Variants in ST6GALNAC3 observed in about 807,000 individuals in gnomAD.
ST6GALNAC3 encodes the protein alpha-N-acetylgalactosaminide alpha-2,6-sialyltransferase 3.
Under a neutral mutation model 32.7 loss-of-function variants are expected in ST6GALNAC3, and 25 were observed. That is an observed-to-expected ratio of 0.76 (90% CI 0.56 to 1.07). The LOEUF is 1.07. ST6GALNAC3 is among the 50% of genes least tolerant of loss of function. The pLI is 0.00. For synonymous variants in ST6GALNAC3, 129 were observed against 133.1 expected (o/e 0.97, Z 0.21); for missense variants, 355 against 382.4 (o/e 0.93, Z 0.60).
Position 76,376,299 on chromosome 1 carries a change from C to A in ST6GALNAC3, c.214-35709C>A, listed in dbSNP as rs1651222546. Among the ~76,000 whole-genome samples the A allele has an allele frequency of 2.6e-5, 4 of 152,110 alleles. No individual in the cohort carries two copies. In the South Asian group the frequency reaches 8.3e-4, roughly 32 times the overall value. ...ATCCACTGACCTTATTCATATTTCA[C>A]CAATTTTACATGCCTTTGTGTATTT... is the stretch of plus-strand genomic sequence containing the variant. On this transcript the variant is annotated intron_variant, in intron 2 of 4. Coordinates refer to ENST00000328299, the MANE Select transcript of ST6GALNAC3 (RefSeq NM_152996.4).
intron 2 of ST6GALNAC3, among the ~76,000 whole-genome samples, chr1:76,405,401 C>T (rs1653752462): frequency 6.6e-6 from 1 of 152,042 alleles, no homozygotes; most frequent in African/African-American, 2.4e-5. Context: ...TTAAATATTA[C>T]ATTATTCTTA....
At chr1:76,541,980 T>A (rs1381386906) in intron 3 of ST6GALNAC3, among the ~76,000 whole-genome samples, 1 of 152,212 alleles carries the variant, frequency 6.6e-6, no homozygotes, top group Admixed American at 6.5e-5. Flanking sequence ...CAGTGGTACT[T>A]TTTAAAAAAA....
At chr1:76,320,670 A>T (rs886546629) in intron 2 of ST6GALNAC3, among the ~76,000 whole-genome samples, 1 of 152,134 alleles carries the variant, frequency 6.6e-6, no homozygotes, top group African/African-American at 2.4e-5. Context: ...TTCATTGGGT[A>T]ATTATGATCT....
intron 3 of ST6GALNAC3, among the ~76,000 whole-genome samples, chr1:76,574,566 C>A (rs1285460502): frequency 6.6e-6 from 1 of 151,982 alleles, no homozygotes; most frequent in East Asian, 1.9e-4. Context: ...ACCAGTAGCT[C>A]CAATTTTCAA....
At chr1:76,401,945 A>G (rs969945579) in intron 2 of ST6GALNAC3, among the ~76,000 whole-genome samples, 2 of 152,162 alleles carry the variant, frequency 1.3e-5, no homozygotes, top group Admixed American at 6.5e-5. Context: ...CTGGGGCAAA[A>G]GCAGATTTTA....
At chr1:76,126,248 T>C (rs1649232883) in intron 1 of ST6GALNAC3, among the ~76,000 whole-genome samples, 1 of 152,242 alleles carries the variant, frequency 6.6e-6, no homozygotes, top group Admixed American at 6.5e-5. Context: ...TAGTATTTTT[T>C]AAATGCCTGC....
chr1:76,395,432 A>G (rs540771265), intron 2 of ST6GALNAC3, among the ~76,000 whole-genome samples: 3 of 152,264 alleles, frequency 2.0e-5, no homozygotes, highest in African/African-American at 7.2e-5. Flanking sequence ...CAGCAATCCT[A>G]CTACTGGGTA....
intron 1 of ST6GALNAC3, among the ~76,000 whole-genome samples, chr1:76,215,421 A>C (rs1436194992): frequency 2.0e-5 from 3 of 152,154 alleles, no homozygotes; most frequent in Non-Finnish European, 2.9e-5. Flanking sequence ...TAAAAATGCC[A>C]ATGGCTGGGT....
chr1:76,589,468 A>C (rs1647013955), intron 3 of ST6GALNAC3, among the ~76,000 whole-genome samples: 1 of 152,050 alleles, frequency 6.6e-6, no homozygotes, highest in South Asian at 2.1e-4. Context: ...CCAGCTTTCC[A>C]CAATCCCCTT....
In ST6GALNAC3 at chr1:76,634,030, T is replaced by G; in HGVS notation, c.*5224T>G. ...CGTTGTAACAGTGCAGAAAATCTCATTTAGTTTTTTTCTTTTTTTTTTTCA... is the reference window on the plus strand; with the variant it reads ...CGTTGTAACAGTGCAGAAAATCTCAGTTAGTTTTTTTCTTTTTTTTTTTCA... On this transcript the variant is annotated 3_prime_UTR_variant, in exon 5 of 5. Transcript: ENST00000328299. 1 of 370,924 alleles carries G rather than the reference T, an allele frequency of 2.7e-6. No individual in the cohort carries two copies. Among genetic ancestry groups the G allele is most frequent in the Non-Finnish European group, 3.7e-6 (1 of 268,586 alleles). The allele number at this position is 370,924 out of a possible 1,614,324, so 23.0% of individuals were successfully genotyped here. A position where few individuals can be genotyped will look rare whatever the true frequency, so the allele number is the denominator to read the frequency against.
At chr1:76,372,166 G>A (rs1383130544) in intron 2 of ST6GALNAC3, among the ~76,000 whole-genome samples, 2 of 152,160 alleles carry the variant, frequency 1.3e-5, no homozygotes, top group Non-Finnish European at 2.9e-5. Context: ...GCACCAGGAA[G>A]CAGAGACAGC....
chr1:76,601,418 C>A (rs2647390), intron 3 of ST6GALNAC3, among the ~76,000 whole-genome samples: 18,116 of 151,578 alleles, frequency 0.12, 1,567 homozygotes, highest in African/African-American at 0.25. Context: ...TCTTGGTTTC[C>A]AAAAAGAGAA....
At chr1:76,314,052 T>C in intron 2 of ST6GALNAC3, 53 bp downstream of exon 2, 2 of 1,547,964 alleles carry the variant, frequency 1.3e-6, no homozygotes, top group Non-Finnish European at 1.7e-6. Flanking sequence ...GGTAACAGCT[T>C]TTCTTTAGGA....
At chr1:76,166,985 GC>G (rs757965166) in intron 1 of ST6GALNAC3, among the ~76,000 whole-genome samples, 3 of 152,042 alleles carry the variant, frequency 2.0e-5, no homozygotes, top group Non-Finnish European at 4.4e-5. Context: ...CGATTTTGAT[GC>G]CCTTTTCTTC....
At chr1:76,235,235 G>A (rs1656582757) in intron 1 of ST6GALNAC3, among the ~76,000 whole-genome samples, 1 of 152,208 alleles carries the variant, frequency 6.6e-6, no homozygotes, top group African/African-American at 2.4e-5. Flanking sequence ...GTCAGGTCTG[G>A]TGGCTCATGC....
intron 3 of ST6GALNAC3, among the ~76,000 whole-genome samples, chr1:76,487,898 G>A (rs933377346): frequency 6.6e-6 from 1 of 152,040 alleles, no homozygotes. Context: ...GTACAGATGG[G>A]GTTTTGGTGT....
intron 3 of ST6GALNAC3, among the ~76,000 whole-genome samples, chr1:76,472,332 C>T (rs1275616359): frequency 6.6e-6 from 1 of 152,040 alleles, no homozygotes; most frequent in African/African-American, 2.4e-5. Flanking sequence ...CAGTTTTCCT[C>T]TTTTGTCGTT....
chr1:76,429,421 A>G (rs967237888), intron 3 of ST6GALNAC3, among the ~76,000 whole-genome samples: 4 of 152,162 alleles, frequency 2.6e-5, no homozygotes. Context: ...ATTTACTATT[A>G]TTAGTAGGAA....
chr1:76,593,803 T>C (rs1164651319), intron 3 of ST6GALNAC3, among the ~76,000 whole-genome samples: 1 of 152,076 alleles, frequency 6.6e-6, no homozygotes, highest in Non-Finnish European at 1.5e-5. Flanking sequence ...TGGCATCTAG[T>C]GGGAACACAG....
Sources: gnomAD v4.1 joint callset for allele counts (sites outside exome capture counted in the v4.1 genomes callset) on GRCh38, gnomAD v4.1.1 for gene constraint, MANE v1.5 for transcripts, NCBI Gene and HGNC (gene_info 2026-07-23, HGNC 2026-07-21) for gene names.